The following CPNE3 variants were observed in gnomAD, a reference collection of about 807,000 sequenced individuals.
The protein encoded by CPNE3 is copine 3.
Under a neutral mutation model 63.9 loss-of-function variants are expected in CPNE3, and 68 were observed. The observed-to-expected ratio is 1.06, with a 90% CI of 0.87 to 1.30. CPNE3 has a LOEUF of 1.30. CPNE3 is among the 50% of genes most tolerant of loss of function. The pLI is 0.00. For synonymous variants in CPNE3, 219 were observed against 197.5 expected (o/e 1.11, Z -0.91); for missense variants, 665 against 578.1 (o/e 1.15, Z -1.54).
intron 8 of CPNE3, among the ~76,000 whole-genome samples, chr8:86,541,221 T>G (rs1820930078): frequency 6.6e-6 from 1 of 152,210 alleles, no homozygotes; most frequent in Admixed American, 6.5e-5. Context: ...CTAAGGGATC[T>G]TGGGCAGGTA....
At chr8:86,543,685 A>C (rs1229590125) in intron 8 of CPNE3, among the ~76,000 whole-genome samples, 1 of 152,118 alleles carries the variant, frequency 6.6e-6, no homozygotes, top group African/African-American at 2.4e-5. Context: ...AATTCCTGTA[A>C]GTCTTAGTTC....
At chr8:86,517,422 C>T (rs1820339523) in intron 2 of CPNE3, among the ~76,000 whole-genome samples, 1 of 152,120 alleles carries the variant, frequency 6.6e-6, no homozygotes, top group Non-Finnish European at 1.5e-5. Flanking sequence ...TGTTATCCGG[C>T]TATTTCACCT....
chr8:86,545,398 G>C (rs1821025779), intron 9 of CPNE3: 1 of 152,150 alleles, frequency 6.6e-6, no homozygotes. Flanking sequence ...ATTAAGCACA[G>C]GCTTCAGCAG....
chr8:86,542,976 T>C (rs1820974602), intron 8 of CPNE3, among the ~76,000 whole-genome samples: 1 of 152,118 alleles, frequency 6.6e-6, no homozygotes, highest in Non-Finnish European at 1.5e-5. Flanking sequence ...TTGTCTTAGA[T>C]ATAAATTGGT....
At chr8:86,539,451 C>G (rs894882508) in intron 7 of CPNE3, among the ~76,000 whole-genome samples, 1 of 152,090 alleles carries the variant, frequency 6.6e-6, no homozygotes. Context: ...TAAGTGGACA[C>G]AGCTAAGAAA....
chr8:86,531,081 T>A (rs1820672321), intron 4 of CPNE3, 74 bp from the exon 5 acceptor site: 1 of 777,482 alleles, frequency 1.3e-6, no homozygotes, highest in Admixed American at 1.9e-5. Context: ...TCAGTCTTTT[T>A]TGCTGAAACT....
intron 9 of CPNE3, 81 bp from the exon 10 acceptor site, chr8:86,546,514 A>G (rs1821053370): frequency 6.9e-7 from 1 of 1,449,212 alleles, no homozygotes. Flanking sequence ...TCTAAAGGAA[A>G]AAAAGTCATT....
chr8:86,550,953 T>C, intron 12 of CPNE3, 93 bp from the exon 13 acceptor site: 1 of 1,246,220 alleles, frequency 8.0e-7, no homozygotes, highest in South Asian at 1.7e-5. Flanking sequence ...TCATACTTTT[T>C]GAAATGAGCT....
intron 2 of CPNE3, among the ~76,000 whole-genome samples, chr8:86,526,438 A>T (rs1820541692): frequency 6.6e-6 from 1 of 152,092 alleles, no homozygotes; most frequent in African/African-American, 2.4e-5. Flanking sequence ...TAGTGATAAA[A>T]TGATAATAAA....
chr8:86,537,735 T>A (rs2131462366), intron 7 of CPNE3, 89 bp downstream of exon 7: 1 of 799,296 alleles, frequency 1.3e-6, no homozygotes, highest in Non-Finnish European at 2.2e-6. Flanking sequence ...TATAAAAGTA[T>A]CAATCTGAGT....
chr8:86,526,808 G>A (rs371910056), intron 2 of CPNE3, among the ~76,000 whole-genome samples: 45 of 152,234 alleles, frequency 3.0e-4, no homozygotes, highest in African/African-American at 1.1e-3. Flanking sequence ...TGCCGTGCCC[G>A]GCCAGCTTTG....
intron 8 of CPNE3, among the ~76,000 whole-genome samples, chr8:86,542,096 G>A: frequency 6.6e-6 from 1 of 152,166 alleles, no homozygotes; most frequent in East Asian, 1.9e-4. Context: ...GATTTTCTGA[G>A]CTTTCTCTAA....
chr8:86,546,794 C>T (rs979957119), intron 10 of CPNE3, 113 bp downstream of exon 10: 9 of 1,117,790 alleles, frequency 8.1e-6, no homozygotes, highest in Non-Finnish European at 1.1e-5. Context: ...TCACTGCAAC[C>T]TCTGCCTCCT....
intron 14 of CPNE3, 22 bp downstream of exon 14, chr8:86,551,256 A>T (rs756791482): frequency 1.3e-6 from 2 of 1,497,806 alleles, no homozygotes. Context: ...AATAAACATG[A>T]AGACTTCAAA....
intron 2 of CPNE3, chr8:86,524,982 G>C (rs1251100507): frequency 6.6e-6 from 1 of 152,256 alleles, no homozygotes; most frequent in East Asian, 1.9e-4. Flanking sequence ...AGCCTCCTGA[G>C]TAGCTGGGAT....
intron 8 of CPNE3, among the ~76,000 whole-genome samples, chr8:86,543,833 T>G (rs2131474818): frequency 6.6e-6 from 1 of 152,270 alleles, no homozygotes; most frequent in Middle Eastern, 3.4e-3. Flanking sequence ...ATAAAAACAT[T>G]GGTGTTAAAT....
At position 86,528,558 on chromosome 8, in the gene CPNE3, T is replaced by G. The variant is rs760106042; in HGVS notation, c.13T>G (p.Cys5Gly). The G allele has an allele frequency of 3.7e-6, 6 of 1,613,784 alleles. No homozygotes were observed. The highest frequency in any genetic ancestry group is 5.1e-6 in the Non-Finnish European group (6 of 1,179,946). The change falls in exon 3 of 17, where the codon TGT becomes GGT. Residue 5 changes from cysteine (C) to glycine (G), a missense_variant. By Grantham distance (159) the Cys-to-Gly change is radical. Coordinates refer to ENST00000517490, the MANE Select transcript of CPNE3 (RefSeq NM_003909.5). ...CAGAACTCAAGACATGGCTGCCCAG[T>G]GTGTCACAAAGGTGGCGCTGAATGT... MAAQCVTKVALNVSC... is the reference protein window; with the variant it reads MAAQGVTKVALNVSC...
chr8:86,542,413 A>G (rs1820960780), intron 8 of CPNE3, among the ~76,000 whole-genome samples: 1 of 152,152 alleles, frequency 6.6e-6, no homozygotes, highest in African/African-American at 2.4e-5. Context: ...CACTTTGCCT[A>G]AAATGGGAGT....
At position 86,558,486 on chromosome 8, in the gene CPNE3, C is replaced by A; in HGVS notation, c.*76C>A. On this transcript the variant is annotated 3_prime_UTR_variant, in exon 17 of 17. Transcript: ENST00000517490. ...CCCAAATCGTGTATCTGTCATTCTA[C>A]GTACTTTTTACCCCCAGCATTTATG... 1 of 858,064 alleles carries A rather than the reference C, an allele frequency of 1.2e-6. No individual in the cohort carries two copies. Among genetic ancestry groups the A allele is most frequent in the Non-Finnish European group, 2.0e-6 (1 of 489,958 alleles). The allele number at this position is 858,064 out of a possible 1,614,324, so 53.2% of individuals were successfully genotyped here.
Sources: gnomAD v4.1 joint callset for allele counts (sites outside exome capture counted in the v4.1 genomes callset) on GRCh38, gnomAD v4.1.1 for gene constraint, MANE v1.5 for transcripts, NCBI Gene and HGNC (gene_info 2026-07-23, HGNC 2026-07-21) for gene names.